KCTD3: variants seen among roughly 807,000 people sequenced by gnomAD.
The protein encoded by KCTD3 is BTB/POZ domain-containing protein KCTD3.
In KCTD3, 41 loss-of-function variants were observed where a neutral mutation model predicts 85.8. That is an observed-to-expected ratio of 0.48 (90% confidence interval 0.37 to 0.62). The LOEUF (loss-of-function observed/expected upper bound fraction) is 0.62, where lower values mean the gene tolerates loss of function less well. KCTD3 is among the 20% of genes least tolerant of loss of function. The pLI, the probability that KCTD3 is intolerant of heterozygous loss-of-function variation, is 0.00. For synonymous variants in KCTD3, 338 were observed against 345.4 expected (o/e 0.98, Z 0.24); for missense variants, 724 against 989.9 (o/e 0.73, Z 3.60).
chr1:215,569,572 G>A (rs1659285187), intron 1 of KCTD3, among the ~76,000 whole-genome samples: 1 of 151,204 alleles, frequency 6.6e-6, no homozygotes. Flanking sequence ...AACTCATAAG[G>A]CAGTTATCTT....
Position 215,586,688 on chromosome 1 carries a change from A to G in KCTD3, c.817+3A>G. 1 of 1,604,728 alleles carries G rather than the reference A, an allele frequency of 6.2e-7. No homozygotes were observed. The highest frequency in any genetic ancestry group is 8.5e-7 in the Non-Finnish European group (1 of 1,173,784). ...TGGGGGAAGTGGAAGTGAAATTGGT[A>G]GGAAGAATCTTGTTTATGTTGCAAT... On this transcript the variant is annotated splice_donor_region_variant and intron_variant, in intron 9 of 17. Transcript: ENST00000259154.
At chr1:215,597,977 T>TA (rs1284469667) in intron 10 of KCTD3, among the ~76,000 whole-genome samples, 2 of 152,060 alleles carry the variant, frequency 1.3e-5, no homozygotes, top group African/African-American at 4.8e-5. Flanking sequence ...AAATATGAGA[T>TA]ACTTACTTAG....
chr1:215,574,226 C>G (rs1659483987), intron 3 of KCTD3, 108 bp downstream of exon 3: 1 of 629,900 alleles, frequency 1.6e-6, no homozygotes, highest in Admixed American at 2.8e-5. Flanking sequence ...TTAATAATCA[C>G]TGAATGAAAG....
intron 10 of KCTD3, 117 bp from the exon 11 acceptor site, chr1:215,601,750 A>G (rs1021866316): frequency 6.1e-5 from 38 of 623,564 alleles, no homozygotes; most frequent in East Asian, 2.7e-5. Flanking sequence ...CCTAAGCCCT[A>G]CTAAAATTGG....
chr1:215,598,701 A>C (rs1654708683), intron 10 of KCTD3, among the ~76,000 whole-genome samples: 1 of 152,030 alleles, frequency 6.6e-6, no homozygotes, highest in Non-Finnish European at 1.5e-5. Context: ...GGTCATTGAA[A>C]AAAAATTTTT....
Position 215,604,274 on chromosome 1 carries a change from C to T in KCTD3, c.1281C>T (p.Ile427=). 6.2e-7 allele frequency: 1 copy of T among 1,613,814 alleles called. No individual in the cohort carries two copies. Among genetic ancestry groups the T allele is most frequent in the East Asian group, 2.2e-5 (1 of 44,874 alleles). ...FTVHRSPVTK[I]MLSEKHLVSV... ...TTCACCGAAGTCCCGTAACAAAAATCATGCTATCAGAGAAGCATCTTGTAT... is the reference window on the plus strand; with the variant it reads ...TTCACCGAAGTCCCGTAACAAAAATTATGCTATCAGAGAAGCATCTTGTAT... The change falls in exon 13 of 18, where the codon ATC becomes ATT. Residue 427 remains isoleucine (I), a synonymous_variant. Coordinates refer to ENST00000259154, the MANE Select transcript of KCTD3 (RefSeq NM_016121.5).
At chr1:215,575,742 C>G (rs1659548067) in intron 3 of KCTD3, among the ~76,000 whole-genome samples, 159 bp from the exon 4 acceptor site, 1 of 152,098 alleles carries the variant, frequency 6.6e-6, no homozygotes, top group African/African-American at 2.4e-5. Context: ...GAAATGCACA[C>G]AGACTACATT....
At chr1:215,611,317 T>G (rs991744942) in intron 14 of KCTD3, among the ~76,000 whole-genome samples, 3 of 152,006 alleles carry the variant, frequency 2.0e-5, no homozygotes, top group African/African-American at 4.8e-5. Flanking sequence ...GTGTGTGTGT[T>G]TTTTTAATTT....
intron 15 of KCTD3, chr1:215,618,016 G>T: frequency 5.0e-6 from 2 of 401,562 alleles, no homozygotes; most frequent in South Asian, 3.8e-5. Context: ...CACTTCTTTG[G>T]ACCTCACTCT....
At chr1:215,603,002 T>C (rs1654892626) in intron 12 of KCTD3, among the ~76,000 whole-genome samples, 1 of 152,210 alleles carries the variant, frequency 6.6e-6, no homozygotes, top group African/African-American at 2.4e-5. Context: ...TGGCTCTTTT[T>C]GATACCACTG....
At chr1:215,568,328 A>G (rs1291478167) in intron 1 of KCTD3, among the ~76,000 whole-genome samples, 1 of 152,126 alleles carries the variant, frequency 6.6e-6, no homozygotes, top group African/African-American at 2.4e-5. Context: ...TTCTTGGTGC[A>G]TGGGCTTGAA....
chr1:215,603,238 T>C (rs188831456), intron 12 of KCTD3, among the ~76,000 whole-genome samples: 244 of 152,232 alleles, frequency 1.6e-3, no homozygotes, highest in Middle Eastern at 3.4e-3. Context: ...CAGGGGGATT[T>C]TAAGGCATGA....
rs779997610 is a variant in KCTD3 at position 215,604,352 on chromosome 1, T to G, written c.1309+50T>G. 4.2e-6 allele frequency: 6 copies of G among 1,442,376 alleles called. No individual in the cohort carries two copies. The South Asian group carries it at 7.3e-5, about 18-fold the overall frequency. The allele number at this position is 1,442,376 out of a possible 1,614,324, so 89.3% of individuals were successfully genotyped here. On this transcript the variant is annotated intron_variant, in intron 13 of 17. Transcript: ENST00000259154. Reference sequence around the variant, plus strand: ...AAGGAACTTGGCTCTGTGTGTTATTTTCATTAAAAGAATGAAAACGCAGTG... The same window carrying G: ...AAGGAACTTGGCTCTGTGTGTTATTGTCATTAAAAGAATGAAAACGCAGTG...
intron 13 of KCTD3, among the ~76,000 whole-genome samples, chr1:215,606,836 A>G (rs1309688495): frequency 6.6e-6 from 1 of 152,032 alleles, no homozygotes; most frequent in Non-Finnish European, 1.5e-5. Flanking sequence ...AATCCCTTAA[A>G]GAAAAACTTT....
intron 1 of KCTD3, among the ~76,000 whole-genome samples, chr1:215,570,981 T>G (rs1261730650): frequency 6.6e-6 from 1 of 152,112 alleles, no homozygotes; most frequent in Admixed American, 6.5e-5. Context: ...AAAAAAAAAT[T>G]GGTGGGGATG....
chr1:215,587,414 C>T (rs1223377645), intron 9 of KCTD3, among the ~76,000 whole-genome samples: 1 of 152,160 alleles, frequency 6.6e-6, no homozygotes, highest in Non-Finnish European at 1.5e-5. Context: ...CAGGCGTGAG[C>T]CACCATGCCC....
intron 1 of KCTD3, among the ~76,000 whole-genome samples, chr1:215,570,887 A>G (rs904246896): frequency 9.2e-5 from 14 of 152,206 alleles, no homozygotes; most frequent in Admixed American, 2.0e-4. Context: ...AAGGCTTTCA[A>G]ATGATTATGC....
rs1660385980 is a variant in KCTD3, at chr1:215,595,487, A to G, written c.933+16A>G. On this transcript the variant is annotated intron_variant, in intron 10 of 17. Transcript: ENST00000259154. ...GCACTGGCAGGTTAGTTTAAAGCAT[A>G]TTACAGAAGTGAAAATATTTCTGAA... The G allele has an allele frequency of 1.4e-6, 2 of 1,402,626 alleles. No homozygotes were observed. The highest frequency in any genetic ancestry group is 2.3e-5 in the East Asian group (1 of 43,862). The allele number at this position is 1,402,626 out of a possible 1,614,324, so 86.9% of individuals were successfully genotyped here. A position where few individuals can be genotyped will look rare whatever the true frequency, so the allele number is the denominator to read the frequency against.
chr1:215,617,314 T>C (rs369772840), intron 15 of KCTD3, among the ~76,000 whole-genome samples: 17 of 152,160 alleles, frequency 1.1e-4, no homozygotes, highest in African/African-American at 3.6e-4. Context: ...GTCAGTCAGT[T>C]AGAAGCACAG....
Sources: gnomAD v4.1 joint callset for allele counts (sites outside exome capture counted in the v4.1 genomes callset) on GRCh38, gnomAD v4.1.1 for gene constraint, MANE v1.5 for transcripts, NCBI Gene and HGNC (gene_info 2026-07-23, HGNC 2026-07-21) for gene names.